Variants in OSBPL8 observed in about 807,000 individuals in gnomAD.
OSBPL8 encodes the protein oxysterol binding protein like 8.
A neutral mutation model predicts 125.5 loss-of-function variants in OSBPL8; 59 were observed. The ratio of observed to expected loss-of-function variants is 0.47; its 90% confidence interval spans 0.38 to 0.58. The LOEUF (loss-of-function observed/expected upper bound fraction) is 0.58. Among genes scored for constraint, OSBPL8 ranks in the 20% least tolerant of loss-of-function variants. The pLI is 0.00. For synonymous variants in OSBPL8, 330 were observed against 338.9 expected (o/e 0.97, Z 0.29); for missense variants, 758 against 1,047.8 (o/e 0.72, Z 3.82).
intron 21 of OSBPL8, among the ~76,000 whole-genome samples, chr12:76,359,889 A>T (rs1381579688): frequency 6.6e-6 from 1 of 152,010 alleles, no homozygotes; most frequent in African/African-American, 2.4e-5. Flanking sequence ...TCAAGGTGAG[A>T]TCCCACCAAG....
chr12:76,418,657 C>T (rs944054769), intron 4 of OSBPL8, among the ~76,000 whole-genome samples: 17 of 151,512 alleles, frequency 1.1e-4, no homozygotes, highest in African/African-American at 3.9e-4. Context: ...ATGGTGAAAC[C>T]CCCATCTCTA....
intron 1 of OSBPL8, among the ~76,000 whole-genome samples, chr12:76,553,041 C>G (rs746114886): frequency 1.3e-5 from 2 of 152,094 alleles, no homozygotes; most frequent in Non-Finnish European, 2.9e-5. Flanking sequence ...AGCTAGTCTC[C>G]AGAAGTCCCT....
intron 6 of OSBPL8, among the ~76,000 whole-genome samples, chr12:76,401,859 A>G (rs1954064670): frequency 6.6e-6 from 1 of 152,196 alleles, no homozygotes; most frequent in African/African-American, 2.4e-5. Context: ...GTTAATTCTG[A>G]TAATTTGAGG....
Position 76,499,183 on chromosome 12 carries a change from C to T in OSBPL8, c.-67-11565G>A, listed in dbSNP as rs560282341. On this transcript the variant is annotated intron_variant, in intron 1 of 23. Coordinates refer to ENST00000261183, the MANE Select transcript of OSBPL8 (RefSeq NM_020841.5). ...TTTCTCCAGTGCTGGATGCTTCCTG[C>T]CCTCAAACATTGGACTCCCAAGTTC... is the stretch of plus-strand genomic sequence containing the variant. 5.3e-5 allele frequency among the ~76,000 whole-genome samples: 8 copies of T among 152,264 alleles called. 1 individual carries two copies. The East Asian group carries it at 1.5e-3, about 29-fold the overall frequency.
chr12:76,453,595 C>G (rs1400904639), intron 3 of OSBPL8, among the ~76,000 whole-genome samples: 3 of 151,990 alleles, frequency 2.0e-5, no homozygotes, highest in African/African-American at 7.2e-5. Context: ...AGACTACAGA[C>G]ATAATGTAAA....
chr12:76,389,227 G>A (rs960916549), intron 12 of OSBPL8, among the ~76,000 whole-genome samples: 1 of 152,142 alleles, frequency 6.6e-6, no homozygotes, highest in African/African-American at 2.4e-5. Context: ...GTTCTGGTAA[G>A]CCGTACATAC....
intron 2 of OSBPL8, among the ~76,000 whole-genome samples, chr12:76,471,985 C>T (rs987568063): frequency 6.6e-6 from 1 of 152,194 alleles, no homozygotes; most frequent in Non-Finnish European, 1.5e-5. Context: ...ATAACTGACT[C>T]TTCTGATCCC....
At chr12:76,522,201 A>C (rs1882128953) in intron 1 of OSBPL8, among the ~76,000 whole-genome samples, 1 of 152,164 alleles carries the variant, frequency 6.6e-6, no homozygotes, top group African/African-American at 2.4e-5. Flanking sequence ...TCCTTCTAAT[A>C]GGTTAATCTT....
intron 15 of OSBPL8, among the ~76,000 whole-genome samples, chr12:76,383,017 A>C (rs536146387): frequency 6.6e-6 from 1 of 152,246 alleles, no homozygotes; most frequent in Non-Finnish European, 1.5e-5. Flanking sequence ...ATGTATTAAA[A>C]GGAAAAAATA....
At chr12:76,513,354 T>C (rs1338702879) in intron 1 of OSBPL8, among the ~76,000 whole-genome samples, 1 of 152,254 alleles carries the variant, frequency 6.6e-6, no homozygotes, top group Non-Finnish European at 1.5e-5. Flanking sequence ...AATTATGTGA[T>C]TGCTTTCGGA....
intron 5 of OSBPL8, among the ~76,000 whole-genome samples, chr12:76,405,391 T>C (rs1259199499): frequency 6.6e-6 from 1 of 152,094 alleles, no homozygotes; most frequent in Non-Finnish European, 1.5e-5. Context: ...CCTAGGAGTT[T>C]GAGGCTGCAG....
intron 2 of OSBPL8, among the ~76,000 whole-genome samples, chr12:76,485,759 CCTCT>C (rs1329399625): frequency 6.6e-6 from 1 of 152,084 alleles, no homozygotes. Flanking sequence ...AGATAATTAA[CCTCT>C]CTGAGCCTAT....
chr12:76,553,976 C>CA (rs11395533), intron 1 of OSBPL8, among the ~76,000 whole-genome samples: 23,598 of 95,674 alleles, frequency 0.25, 3,742 homozygotes, highest in African/African-American at 0.3. Context: ...GACTCTATCT[C>CA]AAAAAAAAAA....
chr12:76,392,401 T>C (rs1383959771), intron 10 of OSBPL8, among the ~76,000 whole-genome samples, 180 bp downstream of exon 10: 1 of 152,112 alleles, frequency 6.6e-6, no homozygotes, highest in Non-Finnish European at 1.5e-5. Flanking sequence ...ATCAAGGAAA[T>C]ACATTTCTAC....
chr12:76,384,905 T>C lies in OSBPL8; in HGVS notation c.1534-555A>G, dbSNP rs181828024. 4.6e-5 allele frequency among the ~76,000 whole-genome samples: 7 copies of C among 152,338 alleles called. No individual in the cohort carries two copies. The East Asian group carries it at 1.3e-3, about 29-fold the overall frequency. ...CCCAACTAAGCAGCTCTCAGATTCC[T>C]GTACCTCATCATATAAGATAATAAA... On this transcript the variant is annotated intron_variant, in intron 14 of 23. Transcript: ENST00000261183.
chr12:76,379,592 T>C (rs1167219784), intron 15 of OSBPL8, among the ~76,000 whole-genome samples: 2 of 152,206 alleles, frequency 1.3e-5, no homozygotes, highest in African/African-American at 4.8e-5. Context: ...TTACCTATTC[T>C]AGAATTCTGT....
chr12:76,542,131 A>G (rs893379007), intron 1 of OSBPL8, among the ~76,000 whole-genome samples: 2 of 152,224 alleles, frequency 1.3e-5, no homozygotes, highest in Admixed American at 1.3e-4. Flanking sequence ...AGATCATGCC[A>G]TTGCACCCCA....
At chr12:76,549,572 A>G (rs765102120) in intron 1 of OSBPL8, among the ~76,000 whole-genome samples, 3 of 152,046 alleles carry the variant, frequency 2.0e-5, no homozygotes, top group African/African-American at 7.2e-5. Context: ...CACCATGCCC[A>G]GCTAATTTTT....
At chr12:76,538,117 G>A (rs1950547505) in intron 1 of OSBPL8, 1 of 152,132 alleles carries the variant, frequency 6.6e-6, no homozygotes, top group Admixed American at 6.5e-5. Flanking sequence ...ACCAATTAGA[G>A]ACCTTGACTC....
Sources: allele counts gnomAD v4.1 joint callset (sites outside exome capture counted in the v4.1 genomes callset), GRCh38; gene constraint gnomAD v4.1.1; transcripts MANE v1.5; gene names NCBI Gene and HGNC (gene_info 2026-07-23, HGNC 2026-07-21).